Variants in SAXO1 observed in about 807,000 individuals in gnomAD.
SAXO1 encodes stabilizer of axonemal microtubules 1.
Under a neutral mutation model 17.5 loss-of-function variants are expected in SAXO1, and 21 were observed. That is an observed-to-expected ratio of 1.20 (90% CI 0.85 to 1.72). SAXO1 has a LOEUF of 1.72. SAXO1 is among the 40% of genes most tolerant of loss of function. The pLI is 0.00. For missense variants in SAXO1, 843 were observed against 596.0 expected, an observed-to-expected ratio of 1.41 and a Z score of -4.32; for synonymous variants, 274 against 216.5, an observed-to-expected ratio of 1.27 and a Z score of -2.33.
chr9:19,042,868 G>GAGAA (rs1588578196), intron 1 of SAXO1, among the ~76,000 whole-genome samples: 1 of 151,026 alleles, frequency 6.6e-6, no homozygotes, highest in South Asian at 2.1e-4. Context: ...GCCTCATAAA[G>GAGAA]AGAAAGAAAG....
intron 1 of SAXO1, among the ~76,000 whole-genome samples, chr9:18,960,540 G>C (rs1430478053): frequency 6.6e-6 from 1 of 152,158 alleles, no homozygotes; most frequent in Non-Finnish European, 1.5e-5. Context: ...CACTTTGGAA[G>C]ACTGAGGTGT....
chr9:19,042,336 T>C (rs1324269027), intron 1 of SAXO1, among the ~76,000 whole-genome samples: 1 of 152,200 alleles, frequency 6.6e-6, no homozygotes, highest in Non-Finnish European at 1.5e-5. Flanking sequence ...CGCTGTACAC[T>C]GTTGGTGGAA....
chr9:19,024,350 C>A (rs1268677415), intron 1 of SAXO1, among the ~76,000 whole-genome samples: 5 of 151,868 alleles, frequency 3.3e-5, no homozygotes, highest in African/African-American at 7.3e-5. Flanking sequence ...GGACAAAAAA[C>A]CAAACACCGC....
intron 1 of SAXO1, among the ~76,000 whole-genome samples, chr9:18,974,709 A>G (rs1329713096): frequency 6.6e-6 from 1 of 152,178 alleles, no homozygotes; most frequent in East Asian, 1.9e-4. Context: ...AGATATATAT[A>G]TACATGTATA....
At chr9:19,025,717 T>C (rs1835444107) in intron 1 of SAXO1, among the ~76,000 whole-genome samples, 1 of 152,230 alleles carries the variant, frequency 6.6e-6, no homozygotes, top group African/African-American at 2.4e-5. Context: ...TTTAAAATGG[T>C]GCACTGTAAG....
chr9:18,972,152 GA>G (rs1832967058), intron 1 of SAXO1, among the ~76,000 whole-genome samples: 1 of 152,240 alleles, frequency 6.6e-6, no homozygotes, highest in Admixed American at 6.5e-5. Flanking sequence ...TCAAGGGAAT[GA>G]AGAGGTGTTA....
chr9:18,998,537 C>T (rs762867358), intron 1 of SAXO1, among the ~76,000 whole-genome samples: 3 of 152,202 alleles, frequency 2.0e-5, no homozygotes, highest in Non-Finnish European at 4.4e-5. Flanking sequence ...TTAGAAAACA[C>T]TCTTCGGGAT....
chr9:19,036,739 C>T (rs933932428), upstream of SAXO1, among the ~76,000 whole-genome samples: 4 of 152,186 alleles, frequency 2.6e-5, no homozygotes, highest in South Asian at 2.1e-4. Context: ...AGGGTTGGAA[C>T]TCTCATGGAG....
chr9:19,027,804 C>G (rs1835562504), intron 1 of SAXO1: 8 of 1,509,816 alleles, frequency 5.3e-6, no homozygotes, highest in Non-Finnish European at 7.3e-6. Flanking sequence ...CAGCCCAACA[C>G]CCAAGTTAAG....
At chr9:18,973,582 G>T (rs535123168) in intron 1 of SAXO1, among the ~76,000 whole-genome samples, 97 of 152,304 alleles carry the variant, frequency 6.4e-4, no homozygotes, top group African/African-American at 2.1e-3. Context: ...GCCCTCATGT[G>T]CCTGGTGCTG....
At chr9:18,973,337 G>C (rs1021953171) in intron 1 of SAXO1, among the ~76,000 whole-genome samples, 14 of 152,212 alleles carry the variant, frequency 9.2e-5, no homozygotes, top group African/African-American at 3.4e-4. Flanking sequence ...CACCTTTAAA[G>C]TGGCATTCAA....
intron 1 of SAXO1, among the ~76,000 whole-genome samples, chr9:18,963,269 G>A (rs114442712): frequency 0.013 from 1,991 of 152,216 alleles, 46 homozygotes; most frequent in African/African-American, 0.045. Flanking sequence ...TTAGTTTTAG[G>A]ATTGTCTTGG....
intron 1 of SAXO1, among the ~76,000 whole-genome samples, chr9:19,005,073 C>T (rs1834432110): frequency 6.6e-6 from 1 of 151,914 alleles, no homozygotes; most frequent in Non-Finnish European, 1.5e-5. Context: ...ATAAATTTAA[C>T]CAAGGAAGTG....
intron 1 of SAXO1, among the ~76,000 whole-genome samples, chr9:19,044,517 T>A (rs1836156241): frequency 6.6e-6 from 1 of 152,182 alleles, no homozygotes; most frequent in African/African-American, 2.4e-5. Context: ...AAATCAAAAT[T>A]TTTGGAAGCG....
intron 1 of SAXO1, among the ~76,000 whole-genome samples, chr9:18,979,287 T>A (rs529532599): frequency 6.6e-6 from 1 of 152,316 alleles, no homozygotes; most frequent in East Asian, 1.9e-4. Context: ...AGAGGAAGAA[T>A]TCCATAGCAT....
At chr9:19,028,037 T>C (rs532874333) in intron 1 of SAXO1, 2 of 1,610,452 alleles carry the variant, frequency 1.2e-6, no homozygotes, top group East Asian at 2.2e-5. Flanking sequence ...ATGATCGCAC[T>C]GCGCAGGGGT....
chr9:19,003,370 C>A lies in SAXO1; in HGVS notation c.38+29501G>T, dbSNP rs569880008. On this transcript the variant is annotated intron_variant, in intron 1 of 3. Coordinates refer to ENST00000380534, the MANE Select transcript of SAXO1 (RefSeq NM_153707.4). ...TCCCCATCAAGCTACCATTGACTTT[C>A]TTCACAGAATTGGAAAAAACTACTT... Among the ~76,000 whole-genome samples, 460 of 152,282 alleles carry A rather than the reference C, an allele frequency of 3.0e-3. 8 individuals are homozygous for A. In the South Asian group the frequency reaches 0.044, roughly 15 times the overall value.
At chr9:19,021,478 TAGA>T (rs767030368) in intron 1 of SAXO1, among the ~76,000 whole-genome samples, 45 of 152,306 alleles carry the variant, frequency 3.0e-4, no homozygotes, top group Admixed American at 8.5e-4. Flanking sequence ...GCAGAGGCTG[TAGA>T]AGACCTCTGC....
Position 18,928,830 on chromosome 9 carries a change from AC to A in SAXO1, c.646del (p.Val216TrpfsTer32), listed in dbSNP as rs756694398. ...TGCTTCATGCACAAAGCGCTTCTCC[AC>A]GGGGTGGGCCACATAGCTCATCTTG... ...NYKMSYVAHP[V>X]EKRFVHEAEK... On this transcript the variant is annotated frameshift_variant, in exon 4 of 4. Coordinates refer to ENST00000380534, the MANE Select transcript of SAXO1 (RefSeq NM_153707.4). LOFTEE classifies it low-confidence loss of function (END_TRUNC). 28 of 1,613,914 alleles carry A rather than the reference AC, an allele frequency of 1.7e-5. No homozygotes were observed. The highest frequency in any genetic ancestry group is 2.4e-5 in the Non-Finnish European group (28 of 1,180,012).
Sources: gnomAD v4.1 joint callset for allele counts (sites outside exome capture counted in the v4.1 genomes callset) on GRCh38, gnomAD v4.1.1 for gene constraint, MANE v1.5 for transcripts, NCBI Gene and HGNC (gene_info 2026-07-23, HGNC 2026-07-21) for gene names.